The following XYLB variants were observed in gnomAD, a reference collection of about 807,000 sequenced individuals.
The protein encoded by XYLB is xylulokinase, also known as xylulose kinase.
XYLB carries 62 observed loss-of-function variants against 78.7 expected under a neutral mutation model. The ratio of observed to expected loss-of-function variants is 0.79; its 90% CI spans 0.64 to 0.97. The LOEUF is 0.97. Ranked by LOEUF, XYLB falls within the 50% of genes least tolerant of loss-of-function variation. XYLB has a pLI of 0.00. For synonymous variants in XYLB, 245 were observed against 247.4 expected, an observed-to-expected ratio of 0.99 and a Z score of 0.09; for missense variants, 687 against 676.8, an observed-to-expected ratio of 1.02 and a Z score of -0.17.
At chr3:38,369,008 C>T (rs548562592) in intron 8 of XYLB, among the ~76,000 whole-genome samples, 2 of 152,266 alleles carry the variant, frequency 1.3e-5, no homozygotes, top group Non-Finnish European at 2.9e-5. Flanking sequence ...GAGGAGGTTG[C>T]TGCAGGAACT....
At chr3:38,429,725 G>A in the XYLB span, among the ~76,000 whole-genome samples, 1 of 152,164 alleles carries the variant, frequency 6.6e-6, no homozygotes, top group Non-Finnish European at 1.5e-5. Flanking sequence ...CCCCATGACA[G>A]GCCCTGGTGT....
Position 38,363,713 on chromosome 3 carries a change from C to T in XYLB, c.291+696C>T, listed in dbSNP as rs763254082. Among the ~76,000 whole-genome samples the T allele has an allele frequency of 1.1e-3, 170 of 152,178 alleles. 3 individuals are homozygous for T. The highest frequency in any genetic ancestry group is 2.4e-4 in the Non-Finnish European group (16 of 68,034). On this transcript the variant is annotated intron_variant, in intron 4 of 18. Transcript: ENST00000207870. Reference sequence around the variant, plus strand: ...GTGCCTCCTATTAATACGCAGTAAACATTATTAAAGCTTGGGCTTCTGTTA... The same window carrying T: ...GTGCCTCCTATTAATACGCAGTAAATATTATTAAAGCTTGGGCTTCTGTTA...
chr3:38,388,187 T>G (rs1353374057), intron 15 of XYLB, among the ~76,000 whole-genome samples: 2 of 150,728 alleles, frequency 1.3e-5, no homozygotes, highest in African/African-American at 4.8e-5. Flanking sequence ...TTTTTTTTTT[T>G]TTTTACTTTT....
Position 38,370,189 on chromosome 3 carries a change from T to A in XYLB, c.765+15T>A, listed in dbSNP as rs1298143275. The A allele has an allele frequency of 3.7e-6, 6 of 1,605,936 alleles. No homozygotes were observed. Among genetic ancestry groups the A allele is most frequent in the Non-Finnish European group, 5.1e-6 (6 of 1,172,914 alleles). ...GCTCAGTTGTGGTAGGTCTCCTTTC[T>A]GGTGATGTGGCTCATTTAAGAGCTG... On this transcript the variant is annotated intron_variant, in intron 9 of 18. Coordinates refer to ENST00000207870, the MANE Select transcript of XYLB (RefSeq NM_005108.4).
At chr3:38,416,431 A>G (rs1708796428), downstream of XYLB, among the ~76,000 whole-genome samples, 1 of 152,252 alleles carries the variant, frequency 6.6e-6, no homozygotes, top group South Asian at 2.1e-4. Context: ...TAAAGATTAC[A>G]GTGAAAAACA....
intron 2 of XYLB, among the ~76,000 whole-genome samples, chr3:38,358,357 G>GTGTGTGTTTT (rs774476552): frequency 2.2e-5 from 2 of 90,110 alleles, no homozygotes; most frequent in Non-Finnish European, 4.2e-5. Flanking sequence ...GTGTGTGTGT[G>GTGTGTGTTTT]TTTGAGACAG....
At chr3:38,387,546 A>G (rs151613) in intron 15 of XYLB, among the ~76,000 whole-genome samples, 52,843 of 151,588 alleles carry the variant, frequency 0.35, 10,533 homozygotes, top group Non-Finnish European at 0.46. Flanking sequence ...AATTTTTTGT[A>G]TTTTTAGTAG....
At chr3:38,440,737 A>T in the XYLB span, among the ~76,000 whole-genome samples, 1 of 152,226 alleles carries the variant, frequency 6.6e-6, no homozygotes, top group Non-Finnish European at 1.5e-5. Context: ...ATTATCAATT[A>T]TAGGTTTTAA....
At chr3:38,352,058 T>C (rs141114410) in intron 2 of XYLB, among the ~76,000 whole-genome samples, 2 of 152,344 alleles carry the variant, frequency 1.3e-5, no homozygotes, top group Non-Finnish European at 2.9e-5. Context: ...GGCTGAGTTA[T>C]ACGGCAGGTA....
At chr3:38,423,745 G>A (rs533514926), downstream of XYLB, among the ~76,000 whole-genome samples, 1 of 152,166 alleles carries the variant, frequency 6.6e-6, no homozygotes, top group Non-Finnish European at 1.5e-5. Context: ...TTCATTATAT[G>A]GATGATATAC....
chr3:38,407,724 G>C (rs1305291755), intron 18 of XYLB, among the ~76,000 whole-genome samples: 1 of 151,836 alleles, frequency 6.6e-6, no homozygotes, highest in Non-Finnish European at 1.5e-5. Flanking sequence ...AAAAGGCAGG[G>C]GTTGCAATCC....
intron 18 of XYLB, among the ~76,000 whole-genome samples, chr3:38,411,707 A>G (rs1405926268): frequency 6.6e-6 from 1 of 151,514 alleles, no homozygotes; most frequent in African/African-American, 2.4e-5. Context: ...TTAACTTTCT[A>G]GCTCTGTTTT....
chr3:38,356,842 C>T (rs914194661), intron 2 of XYLB: 1 of 152,154 alleles, frequency 6.6e-6, no homozygotes, highest in African/African-American at 2.4e-5. Context: ...ATTGTGGCCC[C>T]CCAGAATTCA....
At chr3:38,355,965 C>T (rs1458598802) in intron 2 of XYLB, 4 of 593,518 alleles carry the variant, frequency 6.7e-6, no homozygotes, top group Non-Finnish European at 3.0e-6. Context: ...AAAGAAAATA[C>T]TGGGGCCAGG....
intron 4 of XYLB, among the ~76,000 whole-genome samples, chr3:38,364,153 TG>T (rs2125578763): frequency 6.6e-6 from 1 of 152,126 alleles, no homozygotes; most frequent in East Asian, 1.9e-4. Flanking sequence ...TCCTCCTTTC[TG>T]GGTTCTCTTT....
intron 12 of XYLB, 66 bp from the exon 13 acceptor site, chr3:38,376,051 C>A: frequency 9.0e-7 from 1 of 1,106,274 alleles, no homozygotes; most frequent in Non-Finnish European, 1.4e-6. Context: ...AGTCTCTTCA[C>A]TGAAACTCAT....
the XYLB span, among the ~76,000 whole-genome samples, chr3:38,446,319 G>C: frequency 6.6e-6 from 1 of 151,956 alleles, no homozygotes; most frequent in Admixed American, 6.6e-5. Context: ...CAGACTTCTA[G>C]GTAACCACAG....
At chr3:38,398,429 T>C (rs1483763830) in intron 17 of XYLB, among the ~76,000 whole-genome samples, 1 of 151,188 alleles carries the variant, frequency 6.6e-6, no homozygotes, top group African/African-American at 2.4e-5. Context: ...GATTGCGCCA[T>C]TGCACTCCAG....
rs144776546 is a variant in XYLB at position 38,404,299 on chromosome 3, C to T, written c.1533+3314C>T. On this transcript the variant is annotated intron_variant, in intron 18 of 18. Coordinates refer to ENST00000207870, the MANE Select transcript of XYLB (RefSeq NM_005108.4). The stretch of plus-strand genomic sequence containing the variant: ...AAGTACTTCACAAACACATAATTCA[C>T]AGGGTAGAACCAGAACATCAGCTGT... Among the ~76,000 whole-genome samples, 24 of 152,340 alleles carry T rather than the reference C, an allele frequency of 1.6e-4. No homozygotes were observed. The East Asian group carries it at 3.9e-3, about 24-fold the overall frequency.
Sources: gnomAD v4.1 joint callset for allele counts (sites outside exome capture counted in the v4.1 genomes callset) on GRCh38, gnomAD v4.1.1 for gene constraint, MANE v1.5 for transcripts, NCBI Gene and HGNC (gene_info 2026-07-23, HGNC 2026-07-21) for gene names.